Variants in DENND1A observed in about 807,000 individuals in gnomAD.
The protein encoded by DENND1A is DENN domain containing 1A.
A neutral mutation model predicts 113.7 loss-of-function variants in DENND1A; 51 were observed. The observed-to-expected ratio is 0.45, with a 90% CI of 0.36 to 0.57. The LOEUF is 0.57. DENND1A is among the 20% of genes least tolerant of loss of function. The probability of loss-of-function intolerance (pLI) is 0.00; values close to 1 mark genes in which losing one functional copy is unlikely to be tolerated. For missense variants in DENND1A, 1,258 were observed against 1,395.9 expected, an observed-to-expected ratio of 0.90 and a Z score of 1.57; for synonymous variants, 565 against 570.8, an observed-to-expected ratio of 0.99 and a Z score of 0.14.
At chr9:123,640,245 A>G (rs892729326) in intron 9 of DENND1A, among the ~76,000 whole-genome samples, 3 of 152,236 alleles carry the variant, frequency 2.0e-5, no homozygotes, top group African/African-American at 7.2e-5. Flanking sequence ...GTTAGCATAT[A>G]AAGAAAGAAT....
chr9:123,496,854 G>A (rs2051970420), intron 13 of DENND1A, among the ~76,000 whole-genome samples: 1 of 152,214 alleles, frequency 6.6e-6, no homozygotes, highest in African/African-American at 2.4e-5. Flanking sequence ...TCACGGGGCT[G>A]CTCACATAGT....
intron 12 of DENND1A, among the ~76,000 whole-genome samples, chr9:123,581,489 G>C (rs1348829069): frequency 6.6e-6 from 1 of 152,124 alleles, no homozygotes; most frequent in Non-Finnish European, 1.5e-5. Flanking sequence ...GCTGGGTGTG[G>C]TGGCATGTGC....
At chr9:123,653,335 T>C (rs766822602) in intron 8 of DENND1A, among the ~76,000 whole-genome samples, 2 of 152,212 alleles carry the variant, frequency 1.3e-5, no homozygotes, top group Non-Finnish European at 2.9e-5. Flanking sequence ...GGATGTGTAA[T>C]TGTGCAGTCT....
intron 13 of DENND1A, among the ~76,000 whole-genome samples, chr9:123,541,855 GA>G (rs2056312730): frequency 6.6e-6 from 1 of 152,146 alleles, no homozygotes; most frequent in Admixed American, 6.5e-5. Flanking sequence ...CTTAACAAAT[GA>G]AAAACCTGCG....
At chr9:123,782,220 A>G (rs1831428053) in intron 3 of DENND1A, among the ~76,000 whole-genome samples, 1 of 152,206 alleles carries the variant, frequency 6.6e-6, no homozygotes, top group Non-Finnish European at 1.5e-5. Context: ...TTAGATCTCC[A>G]GAAATGATAA....
chr9:123,905,659 A>T (rs1325260549), intron 1 of DENND1A, among the ~76,000 whole-genome samples: 3 of 150,870 alleles, frequency 2.0e-5, no homozygotes, highest in Non-Finnish European at 3.0e-5. Flanking sequence ...AGAGCTAACT[A>T]TCCTAAATAT....
chr9:123,595,386 G>A (rs1443739110), intron 11 of DENND1A, among the ~76,000 whole-genome samples: 1 of 152,122 alleles, frequency 6.6e-6, no homozygotes, highest in Non-Finnish European at 1.5e-5. Context: ...ATCACGTATG[G>A]AGCCGTCATT....
intron 13 of DENND1A, among the ~76,000 whole-genome samples, chr9:123,552,247 TCCTCAGAGGGAGGAGGTGG>T (rs1281242096): frequency 6.6e-6 from 1 of 152,124 alleles, no homozygotes; most frequent in Non-Finnish European, 1.5e-5. Context: ...GGCAGGGTCC[TCCTCAGAGGGAGGAGGTGG>T]GCGAGGGCAG....
chr9:123,930,126 T>TGCCCGGCGCGC (rs1857784427), upstream of DENND1A: 1 of 179,048 alleles, frequency 5.6e-6, no homozygotes, highest in East Asian at 1.4e-4. Context: ...CCGGCGCGCG[T>TGCCCGGCGCGC]GCCCGGCGCG....
intron 5 of DENND1A, among the ~76,000 whole-genome samples, chr9:123,712,918 G>A (rs1465431359): frequency 6.6e-6 from 1 of 152,206 alleles, no homozygotes; most frequent in African/African-American, 2.4e-5. Flanking sequence ...CAGAAGCAAA[G>A]CTCAGGTTGG....
At chr9:123,753,911 T>C (rs1432607708) in intron 5 of DENND1A, among the ~76,000 whole-genome samples, 2 of 152,098 alleles carry the variant, frequency 1.3e-5, no homozygotes, top group Non-Finnish European at 2.9e-5. Flanking sequence ...TGGGTAAACA[T>C]GTGAAAGCAG....
At chr9:123,454,450 C>A (rs932756281) in intron 16 of DENND1A, among the ~76,000 whole-genome samples, 4 of 152,164 alleles carry the variant, frequency 2.6e-5, no homozygotes, top group African/African-American at 9.7e-5. Flanking sequence ...AGAAGGAGAA[C>A]CCCCCGAATG....
At chr9:123,840,779 A>G (rs1841716576) in intron 2 of DENND1A, among the ~76,000 whole-genome samples, 1 of 152,176 alleles carries the variant, frequency 6.6e-6, no homozygotes, top group Non-Finnish European at 1.5e-5. Flanking sequence ...GCCTGTTACT[A>G]GGCAGGTGGG....
intron 2 of DENND1A, among the ~76,000 whole-genome samples, chr9:123,870,593 C>T (rs528352874): frequency 6.6e-6 from 1 of 152,138 alleles, no homozygotes; most frequent in African/African-American, 2.4e-5. Flanking sequence ...CATGCCACCA[C>T]ACCCAGCTGA....
At chr9:123,923,956 A>C (rs984742089) in intron 1 of DENND1A, among the ~76,000 whole-genome samples, 1 of 152,236 alleles carries the variant, frequency 6.6e-6, no homozygotes, top group African/African-American at 2.4e-5. Context: ...AAATAAAAAC[A>C]TATGTCCACA....
chr9:123,617,838 T>G (rs1366181868), intron 10 of DENND1A, among the ~76,000 whole-genome samples: 1 of 151,864 alleles, frequency 6.6e-6, no homozygotes, highest in East Asian at 1.9e-4. Context: ...CATGAGAGCC[T>G]GTGGAAACAC....
At chr9:123,560,218 C>T (rs1249124841) in intron 12 of DENND1A, among the ~76,000 whole-genome samples, 1 of 152,176 alleles carries the variant, frequency 6.6e-6, no homozygotes, top group Admixed American at 6.5e-5. Flanking sequence ...AGCAAAAATC[C>T]TCTGCCAGAC....
intron 1 of DENND1A, among the ~76,000 whole-genome samples, chr9:123,914,563 A>AG (rs1435014528): frequency 2.7e-5 from 4 of 150,870 alleles, no homozygotes; most frequent in Non-Finnish European, 5.9e-5. Flanking sequence ...AAAAAAAAAA[A>AG]GAAATACCCA....
At chr9:123,716,157 G>A (rs1423584089) in intron 5 of DENND1A, among the ~76,000 whole-genome samples, 2 of 152,182 alleles carry the variant, frequency 1.3e-5, no homozygotes, top group African/African-American at 2.4e-5. Flanking sequence ...ATTCTAGGGA[G>A]TGGTAGAAAG....
Sources: allele counts gnomAD v4.1 joint callset (sites outside exome capture counted in the v4.1 genomes callset), GRCh38; gene constraint gnomAD v4.1.1; transcripts MANE v1.5; gene names NCBI Gene and HGNC (gene_info 2026-07-23, HGNC 2026-07-21).